RNF123: variants seen among roughly 807,000 people sequenced by gnomAD.
RNF123 encodes ring finger protein 123, also known as E3 ubiquitin-protein ligase RNF123.
Under a neutral mutation model 168.5 loss-of-function variants are expected in RNF123, and 86 were observed. That is an observed-to-expected ratio of 0.51 (90% CI 0.43 to 0.61). The LOEUF is 0.61. Ranked by LOEUF, RNF123 falls within the 20% of genes least tolerant of loss-of-function variation. RNF123 has a pLI of 0.00. For missense variants in RNF123, 1,419 were observed against 1,729.7 expected, an observed-to-expected ratio of 0.82 and a Z score of 3.19; for synonymous variants, 666 against 689.1, an observed-to-expected ratio of 0.97 and a Z score of 0.52.
At chr3:49,700,198 C>T (rs2054351501) in intron 12 of RNF123, 29 bp from the exon 13 acceptor site, 1 of 1,612,718 alleles carries the variant, frequency 6.2e-7, no homozygotes, top group Non-Finnish European at 8.5e-7. Context: ...GGAAGGCCAC[C>T]ACCTCACCAG....
rs369187602 is a variant in RNF123, at chr3:49,702,653, C to T, written c.1650C>T (p.Pro550=). 4 of 1,614,244 alleles carry T rather than the reference C, an allele frequency of 2.5e-6. No homozygotes were observed. Among genetic ancestry groups the T allele is most frequent in the Non-Finnish European group, 3.4e-6 (4 of 1,180,030 alleles). The change falls in exon 20 of 39, where the codon CCC becomes CCT. Residue 550 remains proline (P), a synonymous_variant. Coordinates refer to ENST00000327697, the MANE Select transcript of RNF123 (RefSeq NM_022064.5). ...SGRGNMPMLC[P]PEYMVCFLHR... ...CACAGAACATGCCCATGCTCTGCCC[C>T]CCTGAGTACATGGTCTGCTTCTTAC...
chr3:49,691,290 G>A (rs752886152), intron 2 of RNF123, 43 bp downstream of exon 2: 58 of 1,602,758 alleles, frequency 3.6e-5, no homozygotes, highest in Non-Finnish European at 4.2e-5. Flanking sequence ...CTTGTTGGGA[G>A]GAGAAGGAAG....
At chr3:49,717,889 G>A in intron 35 of RNF123, 3 of 1,536,614 alleles carry the variant, frequency 2.0e-6, no homozygotes, top group Non-Finnish European at 2.6e-6. Flanking sequence ...TCTCTGGACC[G>A]AAGCAGGGAG....
intron 12 of RNF123, 51 bp from the exon 13 acceptor site, chr3:49,700,176 C>G (rs2054350748): frequency 6.2e-7 from 1 of 1,609,562 alleles, no homozygotes; most frequent in African/African-American, 1.3e-5. Flanking sequence ...GCAGGGGTGC[C>G]TTGACCAGAG....
rs562816969 is a variant in RNF123 at position 49,697,416 on chromosome 3, G to A, written c.301G>A (p.Gly101Ser). Residue 101 changes from glycine (G) to serine (S), a missense_variant, in exon 5 of 39, where the codon GGC becomes AGC. Physicochemically the swap from Gly to Ser is moderately conservative, Grantham distance 56. This residue lies in a region of RNF123 where 318 missense variants were observed against 446.6 expected (regional missense o/e 0.71). Coordinates refer to ENST00000327697, the MANE Select transcript of RNF123 (RefSeq NM_022064.5). Reference protein sequence around the residue: ...PSTVVLDHTGGFEGLLLVDDD... With the variant: ...PSTVVLDHTGSFEGLLLVDDD... ...CACTGTGGTCCTGGACCACACAGGC[G>A]GCTTTGAGGGGCTTCTCCTGGTGGA... The A allele has an allele frequency of 8.1e-6, 13 of 1,610,728 alleles. No individual in the cohort carries two copies. The highest frequency in any genetic ancestry group is 5.5e-5 in the South Asian group (5 of 90,552).
Position 49,721,456 on chromosome 3 carries a change from G to C in RNF123, c.*151G>C. The stretch of plus-strand genomic sequence containing the variant: ...CTGTATCCTCATTGGTGGGAGCCCA[G>C]CCATGGCCCTAATTGTGCCTGAGCT... On this transcript the variant is annotated 3_prime_UTR_variant, in exon 39 of 39. Transcript: ENST00000327697. 9.3e-7 allele frequency: 1 copy of C among 1,075,142 alleles called. No homozygotes were observed. The highest frequency in any genetic ancestry group is 1.4e-6 in the Non-Finnish European group (1 of 694,262). The allele number at this position is 1,075,142 out of a possible 1,614,324, so 66.6% of individuals were successfully genotyped here.
chr3:49,704,366 G>T (rs192053943), intron 21 of RNF123, among the ~76,000 whole-genome samples: 1 of 152,318 alleles, frequency 6.6e-6, no homozygotes, highest in East Asian at 1.9e-4. Flanking sequence ...GGCATGATGG[G>T]CTTACATCTA....
intron 35 of RNF123, chr3:49,718,481 T>C (rs1213255051): frequency 6.2e-7 from 1 of 1,612,926 alleles, no homozygotes; most frequent in Non-Finnish European, 8.5e-7. Context: ...AGCACCGCGA[T>C]GCTGCCATCG....
intron 27 of RNF123, 42 bp downstream of exon 27, chr3:49,712,698 T>TC: frequency 6.2e-7 from 1 of 1,608,080 alleles, no homozygotes; most frequent in African/African-American, 1.3e-5. Flanking sequence ...AGAAAAGGGG[T>TC]CTCTAGTGTG....
intron 35 of RNF123, chr3:49,718,819 A>G (rs2080314226): frequency 6.2e-7 from 1 of 1,613,232 alleles, no homozygotes. Context: ...GTTGTTGTGC[A>G]AGTAGAGGCC....
Position 49,713,748 on chromosome 3 carries a change from C to T in RNF123, c.2760C>T (p.Asp920=). The change falls in exon 29 of 39, where the codon GAC becomes GAT. Residue 920 remains aspartate, a synonymous_variant. Transcript: ENST00000327697. ...GGTGTGTCCCCGCAGACATCCGAGACTCACTGATGCAGGCCCTGGCCAGCT... is the reference window on the plus strand; with the variant it reads ...GGTGTGTCCCCGCAGACATCCGAGATTCACTGATGCAGGCCCTGGCCAGCT... ...DARIVGTDIR[D]SLMQALASYV... The T allele has an allele frequency of 6.2e-7, 1 of 1,603,742 alleles. No individual in the cohort carries two copies.
chr3:49,700,208 G>C lies in RNF123; in HGVS notation c.985-19G>C, dbSNP rs749019689. 20 of 1,613,658 alleles carry C rather than the reference G, an allele frequency of 1.2e-5. No individual in the cohort carries two copies. The Admixed American group carries it at 2.7e-4, about 22-fold the overall frequency. On this transcript the variant is annotated intron_variant, in intron 12 of 38. Coordinates refer to ENST00000327697, the MANE Select transcript of RNF123 (RefSeq NM_022064.5). ...AGAGTGGAAGGCCACCACCTCACCA[G>C]TGCCTGGCCTTGGTGCAGCGCAAGG... is the stretch of plus-strand genomic sequence containing the variant.
rs754515828 is a variant in RNF123, at chr3:49,714,076, C to T, written c.2926-14C>T. ...CTGTCCCATTGACCTGGGCACTGAC[C>T]CCCACCTCCACAGGGCTGTGGCTTC... On this transcript the variant is annotated splice_polypyrimidine_tract_variant and intron_variant, in intron 30 of 38. Coordinates refer to ENST00000327697, the MANE Select transcript of RNF123 (RefSeq NM_022064.5). 2 of 1,613,998 alleles carry T rather than the reference C, an allele frequency of 1.2e-6. No homozygotes were observed.
chr3:49,705,596 C>T lies in RNF123; in HGVS notation c.2221C>T (p.Pro741Ser). 1 of 1,613,350 alleles carries T rather than the reference C, an allele frequency of 6.2e-7. No individual in the cohort carries two copies. Among genetic ancestry groups the T allele is most frequent in the Non-Finnish European group, 8.5e-7 (1 of 1,179,696 alleles). ...GCGGCCCCCCGAGGAGCCTGAGCAG[C>T]CCCTCACCGAGAACTCGCTGCTGGA... ...LGRPPEEPEQ[P>S]LTENSLLEVL... The change falls in exon 24 of 39, where the codon CCC becomes TCC. Residue 741 changes from proline (P) to serine (S), a missense_variant. Pro to Ser is a moderately conservative substitution (Grantham distance 74). Transcript: ENST00000327697.
intron 1 of RNF123, chr3:49,689,948 C>T (rs1369737339): frequency 6.6e-6 from 1 of 152,230 alleles, no homozygotes; most frequent in Non-Finnish European, 1.5e-5. Context: ...CCGGAGCCCA[C>T]TCCGGGTGTC....
At chr3:49,717,478 C>T in intron 35 of RNF123, 1 of 175,606 alleles carries the variant, frequency 5.7e-6, no homozygotes, top group East Asian at 1.7e-4. Flanking sequence ...TCCCTCCCAC[C>T]CCCTTGGGAA....
chr3:49,721,006 TCTC>T lies in RNF123; in HGVS notation c.3739-9_3739-7del. 1 of 1,609,560 alleles carries T rather than the reference TCTC, an allele frequency of 6.2e-7. No individual in the cohort carries two copies. Among genetic ancestry groups the T allele is most frequent in the Non-Finnish European group, 8.5e-7 (1 of 1,176,760 alleles). On this transcript the variant is annotated splice_polypyrimidine_tract_variant and intron_variant, in intron 37 of 38. Coordinates refer to ENST00000327697, the MANE Select transcript of RNF123 (RefSeq NM_022064.5). ...CATCCAACTCCAGCCCACCCTTCAC[TCTC>T]CTCCCTGCAGCCCACCAGTGAGGAG...
intron 37 of RNF123, 35 bp from the exon 38 acceptor site, chr3:49,720,985 C>T: frequency 6.2e-7 from 1 of 1,608,514 alleles, no homozygotes; most frequent in African/African-American, 1.3e-5. Flanking sequence ...GCCAGGCATC[C>T]AACTCCAGCC....
intron 21 of RNF123, 128 bp from the exon 22 acceptor site, chr3:49,704,522 T>C (rs1051637910): frequency 7.1e-6 from 5 of 706,580 alleles, no homozygotes; most frequent in Admixed American, 6.2e-5. Flanking sequence ...GAGGGGCAGA[T>C]ACGGTGCTAA....
Sources: allele counts gnomAD v4.1 joint callset (sites outside exome capture counted in the v4.1 genomes callset), GRCh38; gene constraint gnomAD v4.1.1; regional missense constraint gnomAD v4.1.1; transcripts MANE v1.5; gene names NCBI Gene and HGNC (gene_info 2026-07-23, HGNC 2026-07-21).